Variants in FHIT observed in about 807,000 individuals in gnomAD.
The protein encoded by FHIT is fragile histidine triad diadenosine triphosphatase.
A neutral mutation model predicts 17.9 loss-of-function variants in FHIT; 19 were observed. That is an observed-to-expected ratio of 1.06 (90% CI 0.74 to 1.56). FHIT has a LOEUF of 1.56. FHIT is among the 40% of genes most tolerant of loss of function. FHIT has a pLI of 0.00. For missense variants in FHIT, 248 were observed against 189.2 expected (o/e 1.31, Z -1.82); for synonymous variants, 81 against 69.7 (o/e 1.16, Z -0.81).
At chr3:59,983,879 A>G (rs943128040) in intron 7 of FHIT, among the ~76,000 whole-genome samples, 1 of 152,142 alleles carries the variant, frequency 6.6e-6, no homozygotes, top group African/African-American at 2.4e-5. Flanking sequence ...TTGAGTAACT[A>G]TAATTAATCC....
intron 2 of FHIT, among the ~76,000 whole-genome samples, chr3:61,114,768 G>T (rs903019602): frequency 6.6e-6 from 1 of 152,086 alleles, no homozygotes; most frequent in Non-Finnish European, 1.5e-5. Flanking sequence ...CAAGGACCCG[G>T]TGGACTTCCT....
intron 4 of FHIT, among the ~76,000 whole-genome samples, chr3:60,803,374 C>A (rs1269296510): frequency 6.6e-6 from 1 of 152,166 alleles, no homozygotes; most frequent in Non-Finnish European, 1.5e-5. Context: ...TGGCATTCTT[C>A]CATCGTGATT....
chr3:60,299,676 G>T (rs1708366524), intron 5 of FHIT, among the ~76,000 whole-genome samples: 1 of 152,014 alleles, frequency 6.6e-6, no homozygotes, highest in African/African-American at 2.4e-5. Flanking sequence ...TGAAAATCCA[G>T]GCTCCCCATG....
chr3:59,945,220 A>G (rs959693012), intron 7 of FHIT, among the ~76,000 whole-genome samples: 2 of 152,152 alleles, frequency 1.3e-5, no homozygotes, highest in Admixed American at 6.5e-5. Flanking sequence ...GCCATTCTGA[A>G]TGGTATGAGA....
intron 5 of FHIT, among the ~76,000 whole-genome samples, chr3:60,251,199 A>G (rs142591123): frequency 1.7e-4 from 26 of 152,344 alleles, no homozygotes; most frequent in African/African-American, 6.0e-4. Flanking sequence ...TCCATAAAAA[A>G]CAGCCAGAGG....
At chr3:61,019,661 T>C (rs2032304099) in intron 3 of FHIT, among the ~76,000 whole-genome samples, 1 of 152,208 alleles carries the variant, frequency 6.6e-6, no homozygotes, top group Non-Finnish European at 1.5e-5. Context: ...TATACCTTGA[T>C]ATTTTAATGC....
In FHIT at chr3:60,493,537, G is replaced by C. The variant is rs377730012; in HGVS notation, c.103+43323C>G. Reference sequence around the variant, plus strand: ...TATAAGCTGCAATGTCAATTTTAAAGAAGTGTGCTTACATTTGCATTTTAA... The same window carrying C: ...TATAAGCTGCAATGTCAATTTTAAACAAGTGTGCTTACATTTGCATTTTAA... On this transcript the variant is annotated intron_variant, in intron 5 of 9. Coordinates refer to ENST00000492590, the MANE Select transcript of FHIT (RefSeq NM_002012.4). 7.9e-5 allele frequency among the ~76,000 whole-genome samples: 12 copies of C among 152,274 alleles called. No individual in the cohort carries two copies. The East Asian group carries it at 2.3e-3, about 29-fold the overall frequency.
chr3:61,191,048 T>C (rs557817494), intron 2 of FHIT, among the ~76,000 whole-genome samples: 10 of 151,970 alleles, frequency 6.6e-5, no homozygotes, highest in African/African-American at 2.4e-4. Context: ...AACCTGCACA[T>C]TGCGTACATG....
intron 5 of FHIT, among the ~76,000 whole-genome samples, chr3:60,464,027 A>C (rs2032639724): frequency 6.6e-6 from 1 of 152,186 alleles, no homozygotes; most frequent in Admixed American, 6.5e-5. Context: ...TTATTTGCAC[A>C]GTTTGGAATC....
At chr3:60,184,565 T>A (rs1702081960) in intron 5 of FHIT, among the ~76,000 whole-genome samples, 1 of 152,208 alleles carries the variant, frequency 6.6e-6, no homozygotes. Flanking sequence ...GTCCATATTA[T>A]CAACATGACT....
At chr3:59,850,858 G>A (rs565131713) in intron 8 of FHIT, among the ~76,000 whole-genome samples, 1 of 152,156 alleles carries the variant, frequency 6.6e-6, no homozygotes, top group Non-Finnish European at 1.5e-5. Flanking sequence ...GGGAGGTAGA[G>A]GTGGTGATCC....
At chr3:60,377,925 T>G (rs1048988320) in intron 5 of FHIT, among the ~76,000 whole-genome samples, 20 of 152,322 alleles carry the variant, frequency 1.3e-4, no homozygotes, top group African/African-American at 4.3e-4. Flanking sequence ...CATGGACTAA[T>G]GATTAGGACA....
intron 4 of FHIT, among the ~76,000 whole-genome samples, chr3:60,656,874 C>T (rs1322181237): frequency 6.6e-6 from 1 of 152,056 alleles, no homozygotes; most frequent in East Asian, 1.9e-4. Context: ...ATACTTTTCC[C>T]TTTCAAATAT....
chr3:60,618,298 C>T lies in FHIT; in HGVS notation c.-17-81319G>A, dbSNP rs1343015900. On this transcript the variant is annotated intron_variant, in intron 4 of 9. Coordinates refer to ENST00000492590, the MANE Select transcript of FHIT (RefSeq NM_002012.4). Reference sequence around the variant, plus strand: ...TACCTATTTTCCAGTTTGAATTACTCCAACATACCATTATTTGATACAGGC... The same window carrying T: ...TACCTATTTTCCAGTTTGAATTACTTCAACATACCATTATTTGATACAGGC... 1.3e-5 allele frequency among the ~76,000 whole-genome samples: 2 copies of T among 152,226 alleles called. 1 individual carries two copies. Among genetic ancestry groups the T allele is most frequent in the South Asian group, 4.1e-4 (2 of 4,824 alleles).
At chr3:59,764,552 C>G (rs1489072653) in intron 8 of FHIT, among the ~76,000 whole-genome samples, 2 of 152,184 alleles carry the variant, frequency 1.3e-5, no homozygotes, top group African/African-American at 2.4e-5. Flanking sequence ...TTCCAACGCC[C>G]TTCAAAGAAC....
intron 8 of FHIT, among the ~76,000 whole-genome samples, chr3:59,790,891 G>A (rs1699527733): frequency 6.6e-6 from 1 of 152,036 alleles, no homozygotes; most frequent in African/African-American, 2.4e-5. Flanking sequence ...ATTATTTTCT[G>A]AGGTCATTCC....
chr3:60,889,336 A>G (rs1199143584), intron 3 of FHIT, among the ~76,000 whole-genome samples: 2 of 152,182 alleles, frequency 1.3e-5, no homozygotes, highest in Admixed American at 1.3e-4. Flanking sequence ...TGCGCTCACC[A>G]TTGTTCCATC....
At chr3:60,008,888 T>C (rs1700022637) in intron 7 of FHIT, among the ~76,000 whole-genome samples, 1 of 152,208 alleles carries the variant, frequency 6.6e-6, no homozygotes, top group Admixed American at 6.5e-5. Flanking sequence ...TGCCACTCAA[T>C]ATTTTATCAT....
At chr3:60,097,637 G>A (rs1418514153) in intron 5 of FHIT, among the ~76,000 whole-genome samples, 1 of 151,590 alleles carries the variant, frequency 6.6e-6, no homozygotes, top group African/African-American at 2.4e-5. Flanking sequence ...CCACTTAATA[G>A]TAATTATAAT....
Sources: allele counts gnomAD v4.1 joint callset (sites outside exome capture counted in the v4.1 genomes callset), GRCh38; gene constraint gnomAD v4.1.1; transcripts MANE v1.5; gene names NCBI Gene and HGNC (gene_info 2026-07-23, HGNC 2026-07-21).